HSDL2: variants seen among roughly 807,000 people sequenced by gnomAD.
The protein encoded by HSDL2 is hydroxysteroid dehydrogenase like 2, also known as hydroxysteroid dehydrogenase-like protein 2.
In HSDL2, 27 loss-of-function variants were observed where a neutral mutation model predicts 46.3. The observed-to-expected ratio is 0.58, with a 90% CI of 0.43 to 0.80. The LOEUF is 0.80. Among genes scored for constraint, HSDL2 ranks in the 30% least tolerant of loss-of-function variants. The probability of loss-of-function intolerance (pLI) is 0.00; values close to 1 mark genes in which losing one functional copy is unlikely to be tolerated. For synonymous variants in HSDL2, 153 were observed against 163.6 expected (o/e 0.94, Z 0.50); for missense variants, 451 against 502.7 (o/e 0.90, Z 0.98).
At chr9:112,458,841 T>C (rs1833112212) in intron 9 of HSDL2, among the ~76,000 whole-genome samples, 1 of 151,118 alleles carries the variant, frequency 6.6e-6, no homozygotes, top group African/African-American at 2.4e-5. Context: ...ATTAGCTGGG[T>C]GTGGTGGCGG....
chr9:112,388,377 C>T (rs1453885774), intron 1 of HSDL2, among the ~76,000 whole-genome samples: 6 of 150,216 alleles, frequency 4.0e-5, no homozygotes, highest in African/African-American at 1.5e-4. Context: ...AGGAGAATCA[C>T]TTGAACGTGG....
chr9:112,431,247 G>T (rs1832389162), intron 6 of HSDL2, among the ~76,000 whole-genome samples: 1 of 151,988 alleles, frequency 6.6e-6, no homozygotes, highest in Admixed American at 6.6e-5. Context: ...TGGTGAATGA[G>T]GGTCAGGAGA....
intron 1 of HSDL2, among the ~76,000 whole-genome samples, chr9:112,391,657 G>C (rs1831346524): frequency 6.6e-6 from 1 of 152,114 alleles, no homozygotes; most frequent in South Asian, 2.1e-4. Context: ...TGTAATCCCA[G>C]CACTTTGGGA....
rs1832958811 is a variant in HSDL2 at position 112,454,152 on chromosome 9, T to C, written c.1005T>C (p.Phe335=). ...VVKATQAIYL[F]ELSGEDGGTW... ...AAGCCACTCAAGCAATCTATCTGTTTGAACTCTCCGGTAAGGACTGCATCT... is the reference window on the plus strand; with the variant it reads ...AAGCCACTCAAGCAATCTATCTGTTCGAACTCTCCGGTAAGGACTGCATCT... The change falls in exon 9 of 11, where the codon TTT becomes TTC. Residue 335 remains phenylalanine, a synonymous_variant. Transcript: ENST00000398805. 1.2e-6 allele frequency: 2 copies of C among 1,612,970 alleles called. No homozygotes were observed. The highest frequency in any genetic ancestry group is 1.3e-5 in the African/African-American group (1 of 74,886).
At chr9:112,452,393 C>T (rs1008963965) in intron 8 of HSDL2, among the ~76,000 whole-genome samples, 1 of 152,150 alleles carries the variant, frequency 6.6e-6, no homozygotes, top group South Asian at 2.1e-4. Context: ...ACGAATTGTT[C>T]TTACCTGTTT....
chr9:112,420,396 T>A (rs1168112718), intron 6 of HSDL2, among the ~76,000 whole-genome samples: 1 of 151,528 alleles, frequency 6.6e-6, no homozygotes, highest in Non-Finnish European at 1.5e-5. Flanking sequence ...AGGGACTGGG[T>A]GTGGTGCCTC....
In HSDL2 at chr9:112,462,649, A is replaced by T. The variant is rs890127704; in HGVS notation, c.1144+3072A>T. The stretch of plus-strand genomic sequence containing the variant: ...GTGTGTGTGTGTGTGTGTATAAAAC[A>T]TTGAGCTTACTAGCTTTTTAAAAAA... On this transcript the variant is annotated intron_variant, in intron 10 of 10. Transcript: ENST00000398805. Among the ~76,000 whole-genome samples, 7 of 151,184 alleles carry T rather than the reference A, an allele frequency of 4.6e-5. No homozygotes were observed. In the East Asian group the frequency reaches 1.4e-3, roughly 29 times the overall value.
At chr9:112,450,980 C>A (rs549249730) in intron 8 of HSDL2, among the ~76,000 whole-genome samples, 2 of 152,014 alleles carry the variant, frequency 1.3e-5, no homozygotes, top group African/African-American at 4.8e-5. Flanking sequence ...GCGGGTGGAT[C>A]GTTTGAGTCT....
chr9:112,456,837 T>C (rs1012327771), intron 9 of HSDL2, among the ~76,000 whole-genome samples: 1 of 152,134 alleles, frequency 6.6e-6, no homozygotes, highest in African/African-American at 2.4e-5. Flanking sequence ...GCAGTGTCGA[T>C]CCACACCCTC....
intron 1 of HSDL2, among the ~76,000 whole-genome samples, chr9:112,397,788 T>A (rs1468434151): frequency 1.3e-5 from 2 of 152,108 alleles, no homozygotes; most frequent in African/African-American, 2.4e-5. Flanking sequence ...CAAAATGACC[T>A]CAGTACAAAG....
chr9:112,404,217 A>G, intron 2 of HSDL2, 59 bp downstream of exon 2: 1 of 1,519,220 alleles, frequency 6.6e-7, no homozygotes, highest in Non-Finnish European at 9.0e-7. Context: ...TACATAGAGA[A>G]TTTGCTGGAG....
intron 6 of HSDL2, chr9:112,434,156 A>C (rs1389300987): frequency 6.6e-6 from 1 of 152,212 alleles, no homozygotes. Flanking sequence ...GATGGCTGCT[A>C]TTCACAATGC....
intron 10 of HSDL2, among the ~76,000 whole-genome samples, chr9:112,465,959 C>G (rs1833364620): frequency 6.6e-6 from 1 of 152,174 alleles, no homozygotes; most frequent in Admixed American, 6.5e-5. Context: ...CAAAGAATTG[C>G]CAAAAGGTTT....
At chr9:112,380,687 G>T (rs975719711) in intron 1 of HSDL2, among the ~76,000 whole-genome samples, 17 of 152,110 alleles carry the variant, frequency 1.1e-4, no homozygotes, top group African/African-American at 3.9e-4. Context: ...TTAAAAAATT[G>T]TGTTAAAATA....
intron 10 of HSDL2, among the ~76,000 whole-genome samples, chr9:112,462,854 C>T (rs567113734): frequency 1.1e-4 from 17 of 152,144 alleles, no homozygotes; most frequent in Non-Finnish European, 2.4e-4. Context: ...TATTTCCATT[C>T]CCAAAGCCCT....
chr9:112,419,353 T>C (rs1490531716), intron 6 of HSDL2, among the ~76,000 whole-genome samples: 1 of 152,190 alleles, frequency 6.6e-6, no homozygotes, highest in East Asian at 1.9e-4. Context: ...GGTGAGAGTA[T>C]GTAGACTGTT....
chr9:112,389,836 C>T (rs746355714), intron 1 of HSDL2, among the ~76,000 whole-genome samples: 9 of 151,918 alleles, frequency 5.9e-5, no homozygotes, highest in Non-Finnish European at 7.4e-5. Context: ...AAGCCGAGGC[C>T]GGTGGATCAC....
intron 6 of HSDL2, among the ~76,000 whole-genome samples, chr9:112,420,673 C>G (rs1420159282): frequency 1.3e-5 from 2 of 152,092 alleles, no homozygotes; most frequent in African/African-American, 4.8e-5. Flanking sequence ...CCTGTCTCAA[C>G]TAACCCACTT....
chr9:112,454,126 A>AAAGCCACTCAAGCAATCTATCTGT lies in HSDL2; in HGVS notation c.980_1003dup (p.Leu334_Phe335insTer). On this transcript the variant is annotated stop_gained and inframe_insertion, in exon 9 of 11. Transcript: ENST00000398805. LOFTEE classifies it high-confidence loss of function. Reference sequence around the variant, plus strand: ...GGACTCTCTCAGTGATGATGTTGTTAAAGCCACTCAAGCAATCTATCTGTT... The same window carrying AAAGCCACTCAAGCAATCTATCTGT: ...GGACTCTCTCAGTGATGATGTTGTTAAAGCCACTCAAGCAATCTATCTGTAAGCCACTCAAGCAATCTATCTGTT... The AAAGCCACTCAAGCAATCTATCTGT allele has an allele frequency of 6.2e-7, 1 of 1,613,996 alleles. No individual in the cohort carries two copies. Among genetic ancestry groups the AAAGCCACTCAAGCAATCTATCTGT allele is most frequent in the Non-Finnish European group, 8.5e-7 (1 of 1,179,914 alleles).
Sources: gnomAD v4.1 joint callset for allele counts (sites outside exome capture counted in the v4.1 genomes callset) on GRCh38, gnomAD v4.1.1 for gene constraint, MANE v1.5 for transcripts, NCBI Gene and HGNC (gene_info 2026-07-23, HGNC 2026-07-21) for gene names.